The following ZNF407 variants were observed in gnomAD, a reference collection of about 807,000 sequenced individuals.
ZNF407 encodes the protein zinc finger protein 407.
A neutral mutation model predicts 131.2 loss-of-function variants in ZNF407; 17 were observed. The observed-to-expected ratio is 0.13, with a 90% CI of 0.09 to 0.19. The LOEUF (loss-of-function observed/expected upper bound fraction) is 0.19. Ranked by LOEUF, ZNF407 falls within the 10% of genes least tolerant of loss-of-function variation. The pLI, the probability that ZNF407 is intolerant of heterozygous loss-of-function variation, is 1.00. For missense variants in ZNF407, 2,681 were observed against 2,830.6 expected (o/e 0.95, Z 1.20); for synonymous variants, 1,156 against 1,062.0 (o/e 1.09, Z -1.72).
At chr18:74,770,173 G>A (rs1969331167) in intron 3 of ZNF407, among the ~76,000 whole-genome samples, 1 of 152,180 alleles carries the variant, frequency 6.6e-6, no homozygotes, top group South Asian at 2.1e-4. Context: ...GTCTGAATTG[G>A]GAGGATCAGT....
intron 4 of ZNF407, among the ~76,000 whole-genome samples, chr18:74,800,788 A>T (rs1390835158): frequency 6.6e-6 from 1 of 152,112 alleles, no homozygotes; most frequent in Non-Finnish European, 1.5e-5. Flanking sequence ...TTCTGAAATT[A>T]ATACGATTTT....
At chr18:74,912,788 A>T (rs1219849725) in intron 7 of ZNF407, among the ~76,000 whole-genome samples, 1 of 152,228 alleles carries the variant, frequency 6.6e-6, no homozygotes, top group East Asian at 1.9e-4. Context: ...AAGAAAAAAA[A>T]TGAAACTGAA....
intron 3 of ZNF407, among the ~76,000 whole-genome samples, chr18:74,665,746 C>T (rs747130354): frequency 2.0e-4 from 30 of 152,110 alleles, no homozygotes; most frequent in African/African-American, 5.8e-4. Context: ...TCAGGAAGTG[C>T]GCCGTTCTAC....
chr18:75,052,868 G>T (rs538198315), intron 8 of ZNF407, among the ~76,000 whole-genome samples: 2 of 152,190 alleles, frequency 1.3e-5, no homozygotes, highest in Non-Finnish European at 2.9e-5. Context: ...ATCAGCGTTC[G>T]GACCCATACC....
intron 4 of ZNF407, among the ~76,000 whole-genome samples, chr18:74,828,345 C>T (rs748361145): frequency 6.6e-6 from 1 of 152,206 alleles, no homozygotes; most frequent in Non-Finnish European, 1.5e-5. Flanking sequence ...GGCTGCCTTT[C>T]ACTGCCGGGC....
At chr18:74,824,311 G>C (rs1345787813) in intron 4 of ZNF407, among the ~76,000 whole-genome samples, 1 of 152,062 alleles carries the variant, frequency 6.6e-6, no homozygotes, top group East Asian at 1.9e-4. Flanking sequence ...AACTAAGGAA[G>C]CAAGAGCAAA....
intron 3 of ZNF407, among the ~76,000 whole-genome samples, chr18:74,752,862 T>C (rs969294549): frequency 4.6e-5 from 7 of 152,222 alleles, no homozygotes; most frequent in African/African-American, 1.2e-4. Flanking sequence ...ATGTGGGCTC[T>C]TTTTTGGTTC....
Position 74,666,808 on chromosome 18 carries a change from A to G in ZNF407, c.4802+25686A>G, listed in dbSNP as rs80031225. 6.4e-3 allele frequency among the ~76,000 whole-genome samples: 974 copies of G among 152,302 alleles called. 12 individuals are homozygous for G. Among genetic ancestry groups the G allele is most frequent in the African/African-American group, 0.022 (914 of 41,568 alleles). On this transcript the variant is annotated intron_variant, in intron 3 of 8. Coordinates refer to ENST00000299687, the MANE Select transcript of ZNF407 (RefSeq NM_017757.3). ...GAATGTTGGGTTTCCTGTGAATTAC[A>G]TATCATAAATCTGGGAACTGGCTTC...
chr18:74,824,134 G>A (rs1363843017), intron 4 of ZNF407, among the ~76,000 whole-genome samples: 1 of 152,052 alleles, frequency 6.6e-6, no homozygotes, highest in Non-Finnish European at 1.5e-5. Context: ...ACGAAATGAA[G>A]GCAGAAATAA....
chr18:75,019,057 CAATT>C (rs1372490454), intron 8 of ZNF407, among the ~76,000 whole-genome samples: 2 of 152,048 alleles, frequency 1.3e-5, no homozygotes, highest in African/African-American at 2.4e-5. Context: ...AGAAATCCCT[CAATT>C]AATCATCAGG....
At chr18:75,012,028 C>T (rs1433011097) in intron 8 of ZNF407, among the ~76,000 whole-genome samples, 1 of 151,952 alleles carries the variant, frequency 6.6e-6, no homozygotes, top group African/African-American at 2.4e-5. Context: ...CTTTTTAAAC[C>T]TGCAAAAACA....
rs766710964 is a variant in ZNF407, at chr18:74,951,355, T to A, written c.5428+30663T>A. ...GCCCTTCACTTTCTCTCCTCCCTGT[T>A]CTTGGTTTCTTGACTCATTAAGTCA... On this transcript the variant is annotated intron_variant, in intron 8 of 8. Coordinates refer to ENST00000299687, the MANE Select transcript of ZNF407 (RefSeq NM_017757.3). 4.8e-4 allele frequency among the ~76,000 whole-genome samples: 73 copies of A among 152,302 alleles called. 1 individual carries two copies. Among genetic ancestry groups the A allele is most frequent in the Middle Eastern group, 6.8e-3 (2 of 294 alleles).
intron 4 of ZNF407, among the ~76,000 whole-genome samples, chr18:74,784,124 G>C (rs1969660754): frequency 6.6e-6 from 1 of 152,172 alleles, no homozygotes; most frequent in South Asian, 2.1e-4. Flanking sequence ...GGGCACAACT[G>C]TTCTCTAAAT....
chr18:74,623,657 C>T (rs1055911971), intron 1 of ZNF407, among the ~76,000 whole-genome samples: 1 of 152,146 alleles, frequency 6.6e-6, no homozygotes, highest in East Asian at 1.9e-4. Flanking sequence ...CAGAAGGCTG[C>T]GCTTGATTTA....
intron 3 of ZNF407, among the ~76,000 whole-genome samples, chr18:74,652,153 T>C (rs1338360612): frequency 1.3e-5 from 2 of 152,094 alleles, no homozygotes; most frequent in Non-Finnish European, 2.9e-5. Context: ...TTGAAAATAT[T>C]ATTCAGAGCT....
intron 8 of ZNF407, among the ~76,000 whole-genome samples, chr18:75,038,152 T>C (rs527356636): frequency 2.6e-5 from 4 of 152,238 alleles, no homozygotes; most frequent in Non-Finnish European, 5.9e-5. Context: ...GCTTTGTGGG[T>C]TTATCAGCTA....
intron 3 of ZNF407, among the ~76,000 whole-genome samples, chr18:74,748,908 C>T (rs997014539): frequency 6.6e-6 from 1 of 152,140 alleles, no homozygotes; most frequent in Non-Finnish European, 1.5e-5. Context: ...ACTGAAAGTG[C>T]TCCCAGAAGC....
Position 74,872,454 on chromosome 18 carries a change from T to C in ZNF407, c.4878-4743T>C, listed in dbSNP as rs1429380310. ...CTCACAACCTGACGGATATTTAAGATTGTTTAAATTTTAATGGGGGAGATA... is the reference window on the plus strand; with the variant it reads ...CTCACAACCTGACGGATATTTAAGACTGTTTAAATTTTAATGGGGGAGATA... On this transcript the variant is annotated intron_variant, in intron 4 of 8. Transcript: ENST00000299687. Among the ~76,000 whole-genome samples the C allele has an allele frequency of 3.9e-5, 6 of 152,132 alleles. No individual in the cohort carries two copies. The East Asian group carries it at 1.2e-3, about 29-fold the overall frequency.
At position 74,631,380 on chromosome 18, in the gene ZNF407, A is replaced by G. The variant is rs778000156; in HGVS notation, c.361A>G (p.Thr121Ala). Residue 121 changes from threonine to alanine, a missense_variant, in exon 2 of 9, where the codon ACA becomes GCA. This residue lies in a region of ZNF407 where 1,789 missense variants were observed against 1,748.7 expected (regional missense o/e 1.02). Transcript: ENST00000299687. ...GAAGGAGACCTTTCTGAGTGACTGC[A>G]CAGTTGGAGGCACATGTCTCCCAAA... ...TGKETFLSDC[T>A]VGGTCLPNAL... The G allele has an allele frequency of 6.2e-7, 1 of 1,614,032 alleles. No individual in the cohort carries two copies. Among genetic ancestry groups the G allele is most frequent in the Non-Finnish European group, 8.5e-7 (1 of 1,179,888 alleles).
Sources: allele counts gnomAD v4.1 joint callset (sites outside exome capture counted in the v4.1 genomes callset), GRCh38; gene constraint gnomAD v4.1.1; regional missense constraint gnomAD v4.1.1; transcripts MANE v1.5; gene names NCBI Gene and HGNC (gene_info 2026-07-23, HGNC 2026-07-21).